GATAD1: variants seen among roughly 807,000 people sequenced by gnomAD.
The protein encoded by GATAD1 is GATA zinc finger domain-containing protein 1.
Under a neutral mutation model 26.5 loss-of-function variants are expected in GATAD1, and 12 were observed. That is an observed-to-expected ratio of 0.45 (90% confidence interval 0.29 to 0.73). The LOEUF is 0.73. Among genes scored for constraint, GATAD1 ranks in the 30% least tolerant of loss-of-function variants. The probability of loss-of-function intolerance (pLI) is 0.10; values close to 1 mark genes in which losing one functional copy is unlikely to be tolerated. For missense variants in GATAD1, 266 were observed against 342.1 expected (o/e 0.78, Z 1.75); for synonymous variants, 129 against 133.1 (o/e 0.97, Z 0.21).
chr7:92,481,262 G>C, the GATAD1 span, among the ~76,000 whole-genome samples: 1 of 152,200 alleles, frequency 6.6e-6, no homozygotes, highest in African/African-American at 2.4e-5. Context: ...GTCAGGTGTG[G>C]TATCCAGAAT....
chr7:92,459,209 G>GA lies in GATAD1; in HGVS notation c.*2647_*2648insA, dbSNP rs1410289885. 1 of 147,874 alleles carries GA rather than the reference G, an allele frequency of 6.8e-6. No individual in the cohort carries two copies. Among genetic ancestry groups the GA allele is most frequent in the Non-Finnish European group, 1.5e-5 (1 of 67,494 alleles). 9.2% of individuals were successfully genotyped at this position (147,874 alleles called of 1,614,324 possible). A position where few individuals can be genotyped will look rare whatever the true frequency, so the allele number is the denominator to read the frequency against. ...CCACTGCACTCCAGTCTGGGTGACGGCATGACTCCATCTCCAAAAAAAAAA... is the reference window on the plus strand; with the variant it reads ...CCACTGCACTCCAGTCTGGGTGACGGACATGACTCCATCTCCAAAAAAAAAA... On this transcript the variant is annotated 3_prime_UTR_variant, in exon 5 of 5. Coordinates refer to ENST00000287957, the MANE Select transcript of GATAD1 (RefSeq NM_021167.5).
At chr7:92,468,952 G>A in the GATAD1 span, 6,091 of 763,932 alleles carry the variant, frequency 8.0e-3, 41 homozygotes, top group Admixed American at 0.013. Flanking sequence ...GATTCTGGAA[G>A]AGACAAAGTT....
the GATAD1 span, among the ~76,000 whole-genome samples, chr7:92,466,618 G>A: frequency 0.04 from 6,140 of 152,220 alleles, 153 homozygotes; most frequent in African/African-American, 0.053. Context: ...CACATCACAG[G>A]CACTTTGCTA....
At chr7:92,450,292 T>C (rs1789371345) in intron 2 of GATAD1, 1 of 162,356 alleles carries the variant, frequency 6.2e-6, no homozygotes, top group Admixed American at 6.4e-5. Flanking sequence ...AGTTCCATAG[T>C]TGAGTTGGGA....
chr7:92,486,682 A>T, the GATAD1 span, among the ~76,000 whole-genome samples: 1 of 151,954 alleles, frequency 6.6e-6, no homozygotes, highest in African/African-American at 2.4e-5. Flanking sequence ...TTTTTTTAAG[A>T]GATGGGGTCT....
the GATAD1 span, chr7:92,489,497 T>G: frequency 7.5e-7 from 1 of 1,339,882 alleles, no homozygotes; most frequent in South Asian, 1.2e-5. Flanking sequence ...CAGTTGTTAC[T>G]TCTTATTGTC....
chr7:92,468,334 C>T, the GATAD1 span: 10 of 171,480 alleles, frequency 5.8e-5, no homozygotes, highest in East Asian at 1.7e-4. Flanking sequence ...TGGTGGATGG[C>T]GAGCGAAAGC....
the GATAD1 span, chr7:92,470,124 A>G: frequency 1.3e-6 from 1 of 778,916 alleles, no homozygotes; most frequent in South Asian, 1.3e-5. Context: ...TTCCTGTCCA[A>G]TAATGAGTAT....
intron 4 of GATAD1, among the ~76,000 whole-genome samples, chr7:92,456,141 A>G (rs1392967135): frequency 6.6e-6 from 1 of 152,198 alleles, no homozygotes; most frequent in Non-Finnish European, 1.5e-5. Flanking sequence ...GTGGGTACAA[A>G]ATAAACATGA....
chr7:92,448,950 C>G (rs1789298111), intron 2 of GATAD1, 73 bp downstream of exon 2: 1 of 1,454,984 alleles, frequency 6.9e-7, no homozygotes, highest in Non-Finnish European at 9.6e-7. Context: ...TCATTTCTCA[C>G]CATTGAACTT....
chr7:92,462,841 G>T (rs890586333), downstream of GATAD1: 2 of 152,262 alleles, frequency 1.3e-5, no homozygotes, highest in Non-Finnish European at 2.9e-5. Context: ...GCCAGGAAGA[G>T]AGCTCTCACC....
the GATAD1 span, among the ~76,000 whole-genome samples, chr7:92,477,062 G>A: frequency 1.3e-5 from 2 of 152,192 alleles, no homozygotes; most frequent in South Asian, 2.1e-4. Flanking sequence ...ATGCATGGGC[G>A]ACTGTTGAGA....
intron 2 of GATAD1, 102 bp downstream of exon 2, chr7:92,448,979 C>G: frequency 7.8e-7 from 1 of 1,278,304 alleles, no homozygotes; most frequent in South Asian, 1.3e-5. Context: ...CCCTTGGTAG[C>G]CCTTCCTTAG....
the GATAD1 span, among the ~76,000 whole-genome samples, chr7:92,490,480 C>A: frequency 5.3e-4 from 81 of 151,750 alleles, no homozygotes; most frequent in African/African-American, 1.7e-3. Context: ...ACAAAACATA[C>A]AAAAATTAGC....
At chr7:92,488,574 A>G in the GATAD1 span, among the ~76,000 whole-genome samples, 1 of 152,230 alleles carries the variant, frequency 6.6e-6, no homozygotes, top group Non-Finnish European at 1.5e-5. Context: ...AAATGAATAA[A>G]TCTGAATGTA....
the GATAD1 span, among the ~76,000 whole-genome samples, chr7:92,483,779 C>T: frequency 4.6e-5 from 7 of 152,092 alleles, no homozygotes; most frequent in South Asian, 4.1e-4. Context: ...AACTGTAAGC[C>T]GGACTGAGTG....
At chr7:92,471,085 C>A in the GATAD1 span, 1 of 166,718 alleles carries the variant, frequency 6.0e-6, no homozygotes, top group African/African-American at 2.4e-5. Context: ...CGGGGAAGTC[C>A]GAATCTGGGA....
the GATAD1 span, among the ~76,000 whole-genome samples, chr7:92,486,174 A>G: frequency 6.6e-6 from 1 of 152,218 alleles, no homozygotes; most frequent in Non-Finnish European, 1.5e-5. Flanking sequence ...TGTCAGCAGC[A>G]GTGACCAACC....
intron 1 of GATAD1, 42 bp downstream of exon 1, chr7:92,448,020 G>T (rs1274737126): frequency 3.3e-6 from 4 of 1,199,170 alleles, no homozygotes; most frequent in Non-Finnish European, 4.1e-6. Context: ...GGCCGACCAG[G>T]TGCTAGGCGG....
Sources: gnomAD v4.1 joint callset for allele counts (sites outside exome capture counted in the v4.1 genomes callset) on GRCh38, gnomAD v4.1.1 for gene constraint, MANE v1.5 for transcripts, NCBI Gene and HGNC (gene_info 2026-07-23, HGNC 2026-07-21) for gene names.